ATP1B4: variants seen among roughly 807,000 people sequenced by gnomAD.
The protein encoded by ATP1B4 is ATPase Na+/K+ transporting family member beta 4.
Under a neutral mutation model 29.6 loss-of-function variants are expected in ATP1B4, and 32 were observed. That is an observed-to-expected ratio of 1.08 (90% CI 0.82 to 1.45). The LOEUF (loss-of-function observed/expected upper bound fraction) is 1.45. Among genes scored for constraint, ATP1B4 ranks in the 40% most tolerant of loss-of-function variants. ATP1B4 has a pLI of 0.00. For synonymous variants in ATP1B4, 127 were observed against 102.1 expected (o/e 1.24, Z -1.47); for missense variants, 323 against 276.2 (o/e 1.17, Z -1.20).
intron 6 of ATP1B4, 25 bp downstream of exon 6, chrX:120,376,461 T>C: frequency 8.5e-7 from 1 of 1,171,512 alleles, no homozygotes; most frequent in Non-Finnish European, 1.2e-6. Flanking sequence ...TGAGTAAGCA[T>C]TGTTAGCACA....
intron 1 of ATP1B4, among the ~76,000 whole-genome samples, chrX:120,363,763 C>G (rs148762066): frequency 1.8e-5 from 2 of 112,240 alleles, no homozygotes; most frequent in Non-Finnish European, 3.8e-5. Context: ...CATATCCCAG[C>G]ACACTCACAC....
Position 120,366,592 on chromosome X carries a change from G to A in ATP1B4, c.131G>A (p.Arg44Gln), listed in dbSNP as rs774880830. The change falls in exon 2 of 8, where the codon CGG becomes CAG. Residue 44 changes from arginine (R) to glutamine (Q), a missense_variant. Physicochemically the swap from Arg to Gln is conservative, Grantham distance 43. Transcript: ENST00000218008. Reference sequence around the variant, plus strand: ...GAGGAGGAAGCAGAAGAAGAGGCTCGGGTGACGGTGGTGCCCAAATCGGAG... The same window carrying A: ...GAGGAGGAAGCAGAAGAAGAGGCTCAGGTGACGGTGGTGCCCAAATCGGAG... The part of the protein sequence containing the change: ...DEEEEAEEEA[R>Q]VTVVPKSEEE... 9 of 1,198,767 alleles carry A rather than the reference G, an allele frequency of 7.5e-6. No individual in the cohort carries two copies. Among genetic ancestry groups the A allele is most frequent in the Middle Eastern group, 2.3e-4 (1 of 4,344 alleles).
At chrX:120,370,998 G>C in intron 3 of ATP1B4, 108 bp from the exon 4 acceptor site, 1 of 1,025,032 alleles carries the variant, frequency 9.8e-7, no homozygotes, top group Non-Finnish European at 1.4e-6. Flanking sequence ...GGCAAATTAT[G>C]GTTCTTTTCA....
rs1369830157 is a variant in ATP1B4, at chrX:120,362,175, A to C, written c.7A>C (p.Arg3=). 6.6e-6 allele frequency: 8 copies of C among 1,209,067 alleles called. No individual in the cohort carries two copies. In the Admixed American group the frequency reaches 1.5e-4, roughly 23 times the overall value. The part of the protein sequence containing the change: MR[R]QLRSRRAPSF... ...CTTTGCCCACTGAACAGCCATGAGAAGGCAACTCCGGTCCAGAAGGGCTCC... is the reference window on the plus strand; with the variant it reads ...CTTTGCCCACTGAACAGCCATGAGACGGCAACTCCGGTCCAGAAGGGCTCC... Residue 3 remains arginine, a synonymous_variant, in exon 1 of 8, where the codon AGG becomes CGG. Transcript: ENST00000218008.
intron 1 of ATP1B4, among the ~76,000 whole-genome samples, chrX:120,365,353 C>A (rs1237086864): frequency 8.9e-6 from 1 of 112,353 alleles, no homozygotes; most frequent in Non-Finnish European, 1.9e-5. Flanking sequence ...GAGAGCTGAG[C>A]CTTGTCATTC....
chrX:120,370,647 T>G, intron 2 of ATP1B4, 68 bp from the exon 3 acceptor site: 1 of 1,175,646 alleles, frequency 8.5e-7, no homozygotes, highest in Non-Finnish European at 1.1e-6. Flanking sequence ...TTCTGGTTCA[T>G]GAGTCCAAGC....
chrX:120,377,414 C>T (rs1361014565), intron 6 of ATP1B4, among the ~76,000 whole-genome samples: 2 of 112,399 alleles, frequency 1.8e-5, no homozygotes, highest in African/African-American at 3.2e-5. Context: ...GTAGGAAGCA[C>T]ATTCTGTTCT....
At chrX:120,372,417 C>A (rs1244927601) in intron 4 of ATP1B4, among the ~76,000 whole-genome samples, 2 of 112,020 alleles carry the variant, frequency 1.8e-5, no homozygotes, top group African/African-American at 6.5e-5. Flanking sequence ...GGTCATTTAA[C>A]TTTAACTCTG....
At chrX:120,375,344 A>G in intron 4 of ATP1B4, 28 bp from the exon 5 acceptor site, 3 of 1,180,354 alleles carry the variant, frequency 2.5e-6, no homozygotes, top group Non-Finnish European at 3.4e-6. Flanking sequence ...TGTCTAACAT[A>G]ACCTGTTGCC....
chrX:120,374,722 T>C (rs1223581260), intron 4 of ATP1B4, among the ~76,000 whole-genome samples: 7 of 71,004 alleles, frequency 9.9e-5, no homozygotes, highest in Admixed American at 2.3e-4. Context: ...TTATATATAA[T>C]ATATATATTA....
Position 120,362,191 on chromosome X carries a change from G to C in ATP1B4, c.23G>C (p.Arg8Thr), listed in dbSNP as rs1221224578. 2 of 1,209,612 alleles carry C rather than the reference G, an allele frequency of 1.7e-6. No homozygotes were observed. The highest frequency in any genetic ancestry group is 2.2e-6 in the Non-Finnish European group (2 of 895,043). The change falls in exon 1 of 8, where the codon AGA (arginine) becomes ACA (threonine). Residue 8 changes from arginine (R) to threonine (T), a missense_variant. By Grantham distance (71) the Arg-to-Thr change is moderately conservative. Transcript: ENST00000218008. ...GCCATGAGAAGGCAACTCCGGTCCAGAAGGGCTCCATCCTTTCCTTACAGT... is the reference window on the plus strand; with the variant it reads ...GCCATGAGAAGGCAACTCCGGTCCACAAGGGCTCCATCCTTTCCTTACAGT... MRRQLRS[R>T]RAPSFPYSYR...
rs1233339016 is a variant in ATP1B4 at position 120,383,174 on chromosome X, GT to G, written c.*3541del. 9.0e-6 allele frequency: 1 copy of G among 111,602 alleles called. No homozygotes were observed. Among genetic ancestry groups the G allele is most frequent in the Non-Finnish European group, 1.9e-5 (1 of 52,994 alleles). The allele number at this position is 111,602 out of a possible 1,213,427, so 9.2% of individuals were successfully genotyped here. A position where few individuals can be genotyped will look rare whatever the true frequency, so the allele number is the denominator to read the frequency against. ...GCACCTATTTTCTGGGGATCAACAT[GT>G]AAAAAAACATTTATATTGTCTTGAG... On this transcript the variant is annotated 3_prime_UTR_variant, in exon 8 of 8. Transcript: ENST00000218008.
At chrX:120,363,692 C>G (rs1008747252) in intron 1 of ATP1B4, among the ~76,000 whole-genome samples, 2 of 111,469 alleles carry the variant, frequency 1.8e-5, no homozygotes, top group African/African-American at 6.5e-5. Context: ...TGGAGCTACC[C>G]TCTGTTCTTC....
chrX:120,371,890 G>C (rs1221839369), intron 4 of ATP1B4, among the ~76,000 whole-genome samples: 5 of 112,493 alleles, frequency 4.4e-5, no homozygotes, highest in Non-Finnish European at 9.4e-5. Context: ...GGATGGTCTT[G>C]ATCTCCTGAC....
At chrX:120,375,661 C>A in intron 5 of ATP1B4, 93 bp downstream of exon 5, 1 of 786,518 alleles carries the variant, frequency 1.3e-6, no homozygotes, top group Non-Finnish European at 1.8e-6. Flanking sequence ...TGTCTTCACA[C>A]ACCACAGGTT....
At chrX:120,366,393 T>G in intron 1 of ATP1B4, 132 bp from the exon 2 acceptor site, 3 of 719,887 alleles carry the variant, frequency 4.2e-6, no homozygotes, top group African/African-American at 2.1e-5. Context: ...TGTAACAACA[T>G]GTATGTTTAT....
intron 4 of ATP1B4, 50 bp from the exon 5 acceptor site, chrX:120,375,322 C>T: frequency 9.1e-7 from 1 of 1,101,183 alleles, no homozygotes; most frequent in Non-Finnish European, 1.2e-6. Flanking sequence ...CACGGCCTTC[C>T]CCTGTAGCAC....
In ATP1B4 at chrX:120,375,476, A is replaced by T; in HGVS notation, c.667A>T (p.Lys223Ter). The change falls in exon 5 of 8, where the codon AAG (lysine) becomes TAG (stop). Residue 223 changes from lysine to a stop codon, truncating the protein, a stop_gained. Transcript: ENST00000218008. LOFTEE classifies it high-confidence loss of function. ...EDEDKKACQF[K>*]RSFLKNCSGL... ...TGAGGACAAGAAGGCCTGCCAATTT[A>T]AGCGCTCCTTCCTAAAGAACTGCTC... is the stretch of plus-strand genomic sequence containing the variant. The T allele has an allele frequency of 8.3e-7, 1 of 1,211,153 alleles. No individual in the cohort carries two copies. Among genetic ancestry groups the T allele is most frequent in the South Asian group, 1.8e-5 (1 of 56,914 alleles).
chrX:120,375,493 G>A lies in ATP1B4; in HGVS notation c.684G>A (p.Lys228=), dbSNP rs1228854413. 1 of 1,211,388 alleles carries A rather than the reference G, an allele frequency of 8.3e-7. No individual in the cohort carries two copies. The highest frequency in any genetic ancestry group is 2.2e-5 in the Admixed American group (1 of 45,989). The change falls in exon 5 of 8, where the codon AAG becomes AAA. Residue 228 remains lysine (K), a synonymous_variant. Transcript: ENST00000218008. The stretch of plus-strand genomic sequence containing the variant: ...GCCAATTTAAGCGCTCCTTCCTAAA[G>A]AACTGCTCTGGTCTGGAGGACCCAA... ...KACQFKRSFL[K]NCSGLEDPTF... is the part of the protein sequence containing the mutation.
Sources: gnomAD v4.1 joint callset for allele counts (sites outside exome capture counted in the v4.1 genomes callset) on GRCh38, gnomAD v4.1.1 for gene constraint, MANE v1.5 for transcripts, NCBI Gene and HGNC (gene_info 2026-07-23, HGNC 2026-07-21) for gene names.